The following ESRRB variants were observed in gnomAD, a reference collection of about 807,000 sequenced individuals.
The protein encoded by ESRRB is estrogen related receptor beta.
Under a neutral mutation model 46.0 loss-of-function variants are expected in ESRRB, and 16 were observed. The observed-to-expected ratio is 0.35, with a 90% CI of 0.24 to 0.53. ESRRB has a LOEUF of 0.53. ESRRB is among the 20% of genes least tolerant of loss of function. The pLI is 0.93. For synonymous variants in ESRRB, 246 were observed against 259.6 expected, an observed-to-expected ratio of 0.95 and a Z score of 0.50; for missense variants, 488 against 607.4, an observed-to-expected ratio of 0.80 and a Z score of 2.07.
intron 1 of ESRRB, among the ~76,000 whole-genome samples, chr14:76,336,115 A>G (rs1262451421): frequency 6.6e-6 from 1 of 152,222 alleles, no homozygotes; most frequent in Non-Finnish European, 1.5e-5. Context: ...TGTGGAAAGC[A>G]GGTCAGAAAG....
At chr14:76,466,759 C>CT (rs1477622532) in intron 3 of ESRRB, among the ~76,000 whole-genome samples, 1 of 151,708 alleles carries the variant, frequency 6.6e-6, no homozygotes, top group Non-Finnish European at 1.5e-5. Flanking sequence ...AAGCCTCACT[C>CT]TGTCGCCAGG....
At chr14:76,333,029 ATATATATTATATATTATATAT>A (rs1198027132) in intron 1 of ESRRB, among the ~76,000 whole-genome samples, 1 of 6,668 alleles carries the variant, frequency 1.5e-4, no homozygotes, top group African/African-American at 4.8e-4. Flanking sequence ...ATTATATATT[ATATATATTATATATTATATAT>A]TATATATTAT....
In ESRRB at chr14:76,458,425, GACACACACACACACACACAC is replaced by G. The variant is rs58562150; in HGVS notation, c.461-4094_461-4075del. ...AACAAATAATTAGGTCTCTCTCTCT[GACACACACACACACACACAC>G]ACACACACACACACACACACACACA... On this transcript the variant is annotated intron_variant, in intron 2 of 6. Transcript: ENST00000644823. 5.5e-3 allele frequency among the ~76,000 whole-genome samples: 738 copies of G among 134,934 alleles called. 7 individuals are homozygous for G. Among genetic ancestry groups the G allele is most frequent in the African/African-American group, 0.019 (699 of 37,506 alleles). 88.5% of individuals were successfully genotyped at this position (134,934 alleles called of 152,430 possible). A position where few individuals can be genotyped will look rare whatever the true frequency, so the allele number is the denominator to read the frequency against.
chr14:76,403,825 C>G (rs1420442007), intron 1 of ESRRB, among the ~76,000 whole-genome samples: 5 of 152,110 alleles, frequency 3.3e-5, no homozygotes, highest in Non-Finnish European at 5.9e-5. Flanking sequence ...CTCCTGGGTT[C>G]AAACGATTCT....
intron 1 of ESRRB, among the ~76,000 whole-genome samples, chr14:76,419,101 G>A (rs905873814): frequency 2.6e-5 from 4 of 151,282 alleles, no homozygotes; most frequent in African/African-American, 4.9e-5. Flanking sequence ...TACAACCTTC[G>A]CCTCTCAGGT....
At chr14:76,479,250 C>CGT (rs71452813) in intron 3 of ESRRB, among the ~76,000 whole-genome samples, 1 of 151,568 alleles carries the variant, frequency 6.6e-6, no homozygotes, top group Non-Finnish European at 1.5e-5. Flanking sequence ...TGCATGCGTG[C>CGT]GTGTGTGTGT....
At chr14:76,403,481 G>A (rs1044584363) in intron 1 of ESRRB, among the ~76,000 whole-genome samples, 4 of 152,196 alleles carry the variant, frequency 2.6e-5, no homozygotes, top group African/African-American at 9.7e-5. Context: ...TGAGGGAATG[G>A]GAGGAAGTAT....
chr14:76,439,973 T>TC (rs1887850824), intron 2 of ESRRB, among the ~76,000 whole-genome samples: 1 of 150,952 alleles, frequency 6.6e-6, no homozygotes, highest in South Asian at 2.1e-4. Flanking sequence ...CCCCCTCAGC[T>TC]CCCCCATGCA....
chr14:76,430,314 A>T (rs891103028), intron 1 of ESRRB, among the ~76,000 whole-genome samples: 1 of 152,146 alleles, frequency 6.6e-6, no homozygotes, highest in Non-Finnish European at 1.5e-5. Context: ...AATTATTGAA[A>T]TGTACATAAG....
At chr14:76,377,728 C>T (rs1884836498) in intron 1 of ESRRB, among the ~76,000 whole-genome samples, 1 of 152,070 alleles carries the variant, frequency 6.6e-6, no homozygotes, top group Non-Finnish European at 1.5e-5. Flanking sequence ...ATGTGGGGTC[C>T]CAGGAAGTAC....
chr14:76,486,670 A>G (rs1240114765), intron 5 of ESRRB, among the ~76,000 whole-genome samples: 1 of 152,130 alleles, frequency 6.6e-6, no homozygotes, highest in African/African-American at 2.4e-5. Flanking sequence ...TGCAGATAAA[A>G]CAATTTTCCT....
At chr14:76,395,083 A>G (rs1321785236) in intron 1 of ESRRB, among the ~76,000 whole-genome samples, 1 of 151,852 alleles carries the variant, frequency 6.6e-6, no homozygotes, top group African/African-American at 2.4e-5. Context: ...TGGTGACCTC[A>G]GTAGGAGCTC....
At chr14:76,446,942 A>G (rs921938142) in intron 2 of ESRRB, among the ~76,000 whole-genome samples, 1 of 152,164 alleles carries the variant, frequency 6.6e-6, no homozygotes, top group Non-Finnish European at 1.5e-5. Context: ...AACCTTTGTA[A>G]TAACCTTGAC....
chr14:76,332,782 TTA>T (rs1566853395), intron 1 of ESRRB, among the ~76,000 whole-genome samples: 514 of 16,094 alleles, frequency 0.032, 29 homozygotes, highest in Middle Eastern at 0.29. Flanking sequence ...ATATTATATA[TTA>T]TATATAAATA....
At chr14:76,432,171 G>T (rs908840484) in intron 1 of ESRRB, among the ~76,000 whole-genome samples, 20 of 152,204 alleles carry the variant, frequency 1.3e-4, no homozygotes, top group African/African-American at 4.6e-4. Context: ...ATTTGGCAAT[G>T]TCTGTAGGTT....
intron 1 of ESRRB, among the ~76,000 whole-genome samples, chr14:76,317,597 T>TA (rs761772927): frequency 6.6e-6 from 1 of 152,060 alleles, no homozygotes; most frequent in Non-Finnish European, 1.5e-5. Flanking sequence ...AATAAAAAGT[T>TA]AAAAAATAAA....
At chr14:76,435,725 G>A (rs2139924017) in intron 1 of ESRRB, among the ~76,000 whole-genome samples, 1 of 152,352 alleles carries the variant, frequency 6.6e-6, no homozygotes, top group African/African-American at 2.4e-5. Flanking sequence ...CAGCTTCTCA[G>A]GAGGTTGAGG....
chr14:76,431,475 A>G (rs937951197), intron 1 of ESRRB, among the ~76,000 whole-genome samples: 7 of 152,172 alleles, frequency 4.6e-5, no homozygotes, highest in African/African-American at 1.7e-4. Flanking sequence ...CCAGCAGAGC[A>G]ATGTCCAGCC....
intron 1 of ESRRB, among the ~76,000 whole-genome samples, chr14:76,325,680 G>A (rs1883921068): frequency 6.6e-6 from 1 of 152,150 alleles, no homozygotes; most frequent in African/African-American, 2.4e-5. Context: ...CAATGGCAAA[G>A]ACAAGTTTCA....
Sources: allele counts gnomAD v4.1 joint callset (sites outside exome capture counted in the v4.1 genomes callset), GRCh38; gene constraint gnomAD v4.1.1; transcripts MANE v1.5; gene names NCBI Gene and HGNC (gene_info 2026-07-23, HGNC 2026-07-21).